The following AP2B1 variants were observed in gnomAD, a reference collection of about 807,000 sequenced individuals.
The protein encoded by AP2B1 is AP-2 complex subunit beta.
Under a neutral mutation model 102.0 loss-of-function variants are expected in AP2B1, and 23 were observed. The observed-to-expected ratio is 0.23, with a 90% CI of 0.16 to 0.32. The LOEUF (loss-of-function observed/expected upper bound fraction) is 0.32, where lower values mean the gene tolerates loss of function less well. Ranked by LOEUF, AP2B1 falls within the 10% of genes least tolerant of loss-of-function variation. AP2B1 has a pLI of 1.00. For synonymous variants in AP2B1, 381 were observed against 421.2 expected (o/e 0.90, Z 1.17); for missense variants, 541 against 1,157.4 (o/e 0.47, Z 7.73).
chr17:35,692,990 ATGTT>A (rs1466611593), intron 18 of AP2B1, among the ~76,000 whole-genome samples: 3 of 103,452 alleles, frequency 2.9e-5, no homozygotes, highest in Non-Finnish European at 5.8e-5. Flanking sequence ...GCGTTTTTTT[ATGTT>A]TGTTTTCTTT....
chr17:35,693,551 T>C (rs1392957583), intron 18 of AP2B1, among the ~76,000 whole-genome samples: 1 of 152,196 alleles, frequency 6.6e-6, no homozygotes, highest in East Asian at 1.9e-4. Flanking sequence ...GTTTTATTGT[T>C]CTAATTTTAG....
intron 3 of AP2B1, among the ~76,000 whole-genome samples, chr17:35,601,328 TTTTA>T (rs1197298925): frequency 6.6e-6 from 1 of 152,166 alleles, no homozygotes; most frequent in African/African-American, 2.4e-5. Flanking sequence ...ATCAGATTTG[TTTTA>T]TTTATTTATT....
chr17:35,594,752 A>G lies in AP2B1; in HGVS notation c.37+685A>G, dbSNP rs938388112. Among the ~76,000 whole-genome samples, 8 of 152,226 alleles carry G rather than the reference A, an allele frequency of 5.3e-5. No individual in the cohort carries two copies. The South Asian group carries it at 1.4e-3, about 28-fold the overall frequency. ...GACGGAATTACTTGAGGGACTTTGC[A>G]CTTATTACTCTCATCATCTTTGTTA... is the stretch of plus-strand genomic sequence containing the variant. On this transcript the variant is annotated intron_variant, in intron 2 of 21. Transcript: ENST00000610402.
intron 3 of AP2B1, among the ~76,000 whole-genome samples, chr17:35,599,930 A>C (rs1008403940): frequency 5.9e-5 from 9 of 152,256 alleles, no homozygotes; most frequent in African/African-American, 2.2e-4. Context: ...AAACAAAAAA[A>C]CAAAATAGAA....
rs187341615 is a variant in AP2B1, at chr17:35,664,756, G to A, written c.1990-6101G>A. ...ACAGTCCTTGGAAGCTTACATTCGC[G>A]TAGGGGAGACAAATGATAAAGTAGC... On this transcript the variant is annotated intron_variant, in intron 14 of 21. Coordinates refer to ENST00000610402, the MANE Select transcript of AP2B1 (RefSeq NM_001030006.2). Among the ~76,000 whole-genome samples, 33 of 152,328 alleles carry A rather than the reference G, an allele frequency of 2.2e-4. 1 individual carries two copies. The highest frequency in any genetic ancestry group is 1.7e-3 in the South Asian group (8 of 4,832).
At chr17:35,657,384 ATAATT>A (rs556058032) in intron 13 of AP2B1, among the ~76,000 whole-genome samples, 583 of 152,362 alleles carry the variant, frequency 3.8e-3, no homozygotes, top group African/African-American at 0.013. Context: ...TTTACATAAT[ATAATT>A]TATTTTCATT....
intron 12 of AP2B1, among the ~76,000 whole-genome samples, chr17:35,645,591 T>A (rs2142774023): frequency 6.6e-6 from 1 of 152,338 alleles, no homozygotes; most frequent in Non-Finnish European, 1.5e-5. Flanking sequence ...GGCTTATGCC[T>A]GTAATCCCAG....
At chr17:35,674,419 T>C (rs2075655728) in intron 17 of AP2B1, 98 bp downstream of exon 17, 3 of 1,424,984 alleles carry the variant, frequency 2.1e-6, no homozygotes, top group African/African-American at 1.4e-5. Context: ...AACTCACATA[T>C]TGGGCCAGGT....
At chr17:35,682,968 C>T (rs1567977189) in intron 18 of AP2B1, 144 bp downstream of exon 18, 3 of 684,678 alleles carry the variant, frequency 4.4e-6, no homozygotes, top group African/African-American at 1.9e-5. Flanking sequence ...ACCTCTGCCT[C>T]CTGGGTTCAA....
intron 14 of AP2B1, among the ~76,000 whole-genome samples, chr17:35,669,853 C>G (rs1456793266): frequency 6.6e-6 from 1 of 152,156 alleles, no homozygotes; most frequent in Non-Finnish European, 1.5e-5. Context: ...TTTGATGATT[C>G]AAGGAAGTGT....
chr17:35,706,456 G>A (rs587740145), intron 18 of AP2B1, among the ~76,000 whole-genome samples: 1 of 152,278 alleles, frequency 6.6e-6, no homozygotes, highest in South Asian at 2.1e-4. Context: ...ATTATTTCAT[G>A]TAGGGTAGGG....
intron 18 of AP2B1, among the ~76,000 whole-genome samples, chr17:35,705,553 G>C (rs1161444389): frequency 1.3e-5 from 2 of 151,982 alleles, no homozygotes; most frequent in African/African-American, 4.8e-5. Context: ...ATGGAGCCTT[G>C]CTCTGTTGCC....
intron 9 of AP2B1, among the ~76,000 whole-genome samples, chr17:35,634,388 C>G (rs139943798): frequency 3.3e-5 from 5 of 152,268 alleles, no homozygotes; most frequent in Admixed American, 6.5e-5. Flanking sequence ...GGGTGATTCT[C>G]TGTACTTCCT....
intron 3 of AP2B1, among the ~76,000 whole-genome samples, chr17:35,601,712 TTTGCCAAAGAATAAA>T (rs1567781480): frequency 3.0e-4 from 45 of 152,240 alleles, no homozygotes; most frequent in African/African-American, 1.1e-3. Context: ...AAGGGCTGTT[TTTGCCAAAGAATAAA>T]TCTGGATTGA....
intron 14 of AP2B1, 66 bp from the exon 15 acceptor site, chr17:35,670,791 T>C (rs1477267755): frequency 6.7e-7 from 1 of 1,497,706 alleles, no homozygotes; most frequent in Non-Finnish European, 9.3e-7. Flanking sequence ...AGATTCTATA[T>C]GGGCATCTAG....
chr17:35,617,446 T>C (rs1260226698), intron 5 of AP2B1, among the ~76,000 whole-genome samples: 1 of 152,228 alleles, frequency 6.6e-6, no homozygotes, highest in Non-Finnish European at 1.5e-5. Context: ...CAAAATTTAC[T>C]TTTTAATTTT....
chr17:35,709,685 T>A (rs952335790), intron 19 of AP2B1, among the ~76,000 whole-genome samples: 2 of 152,314 alleles, frequency 1.3e-5, no homozygotes, highest in South Asian at 4.1e-4. Context: ...ATTTTTATAA[T>A]TATTTCATGA....
At chr17:35,722,199 A>C (rs2085417255) in intron 21 of AP2B1, among the ~76,000 whole-genome samples, 1 of 152,142 alleles carries the variant, frequency 6.6e-6, no homozygotes, top group Non-Finnish European at 1.5e-5. Flanking sequence ...TACTGAGATC[A>C]CGCCACTGCA....
chr17:35,631,872 T>A (rs1313710562), intron 9 of AP2B1, among the ~76,000 whole-genome samples: 8 of 152,236 alleles, frequency 5.3e-5, no homozygotes, highest in Admixed American at 5.2e-4. Context: ...CAATATGTTA[T>A]CTTTTCCACA....
Sources: gnomAD v4.1 joint callset for allele counts (sites outside exome capture counted in the v4.1 genomes callset) on GRCh38, gnomAD v4.1.1 for gene constraint, MANE v1.5 for transcripts, NCBI Gene and HGNC (gene_info 2026-07-23, HGNC 2026-07-21) for gene names.